Variants in ROBO2 observed in about 807,000 individuals in gnomAD.
The protein encoded by ROBO2 is roundabout homolog 2.
Under a neutral mutation model 160.8 loss-of-function variants are expected in ROBO2, and 53 were observed. The observed-to-expected ratio is 0.33, with a 90% CI of 0.26 to 0.41. ROBO2 has a LOEUF of 0.41. Ranked by LOEUF, ROBO2 falls within the 10% of genes least tolerant of loss-of-function variation. ROBO2 has a pLI of 1.00. For missense variants in ROBO2, 1,577 were observed against 1,722.4 expected (o/e 0.92, Z 1.49); for synonymous variants, 664 against 611.7 (o/e 1.09, Z -1.26).
chr3:76,435,057 A>G, intron 2 of ROBO2: 1 of 1,149,958 alleles, frequency 8.7e-7, no homozygotes, highest in Non-Finnish European at 1.3e-6. Context: ...AATGGCTTAC[A>G]TATACAAGTG....
intron 2 of ROBO2, among the ~76,000 whole-genome samples, chr3:76,146,903 T>TACAC (rs750245915): frequency 1.4e-5 from 2 of 145,788 alleles, no homozygotes; most frequent in South Asian, 4.3e-4. Flanking sequence ...CACACACACA[T>TACAC]ACACACACAC....
In ROBO2 at chr3:76,625,459, G is replaced by T. The variant is rs189420492; in HGVS notation, c.110-472555G>T. 1.2e-3 allele frequency among the ~76,000 whole-genome samples: 175 copies of T among 151,964 alleles called. 1 individual carries two copies. The highest frequency in any genetic ancestry group is 4.0e-3 in the African/African-American group (166 of 41,420). The stretch of plus-strand genomic sequence containing the variant: ...TTGTAAAGCATACATGTACTATGGG[G>T]GCCAAAAAAATAAGCAAATAATCAA... On this transcript the variant is annotated intron_variant, in intron 2 of 26. Transcript: ENST00000487694.
chr3:76,318,160 AAAAGTAGGTATATT>A (rs2072200548), intron 2 of ROBO2, among the ~76,000 whole-genome samples: 1 of 152,132 alleles, frequency 6.6e-6, no homozygotes. Context: ...TTCATATTAG[AAAAGTAGGTATATT>A]AAAGTAGGTA....
At chr3:77,005,281 G>GT (rs1287646100) in intron 2 of ROBO2, among the ~76,000 whole-genome samples, 1 of 152,152 alleles carries the variant, frequency 6.6e-6, no homozygotes, top group East Asian at 1.9e-4. Context: ...TACCTTGGGA[G>GT]TTTTTTACCC....
intron 11 of ROBO2, chr3:77,564,357 G>T (rs1375321631): frequency 4.9e-6 from 2 of 410,418 alleles, no homozygotes; most frequent in African/African-American, 4.2e-5. Flanking sequence ...ACCGTTCTGA[G>T]ATGAGAAATC....
intron 21 of ROBO2, among the ~76,000 whole-genome samples, chr3:77,612,716 A>T (rs2094674336): frequency 6.6e-6 from 1 of 152,094 alleles, no homozygotes; most frequent in Admixed American, 6.6e-5. Context: ...GGAGGCCAAG[A>T]TGGGCAGATC....
chr3:77,408,124 C>A (rs987760683), intron 2 of ROBO2, among the ~76,000 whole-genome samples: 11 of 151,740 alleles, frequency 7.2e-5, no homozygotes, highest in Non-Finnish European at 1.0e-4. Context: ...AACAAAAAAA[C>A]CTTCCATGAA....
intron 2 of ROBO2, among the ~76,000 whole-genome samples, chr3:77,334,821 G>C (rs1025585176): frequency 6.6e-6 from 1 of 152,096 alleles, no homozygotes; most frequent in South Asian, 2.1e-4. Context: ...AGATTTACTT[G>C]TGGACCTGAA....
intron 2 of ROBO2, among the ~76,000 whole-genome samples, chr3:76,315,494 A>G (rs973816012): frequency 2.6e-5 from 4 of 152,182 alleles, no homozygotes; most frequent in African/African-American, 9.7e-5. Context: ...GCGCTGACCT[A>G]GGAATATTTA....
chr3:77,599,780 G>A (rs1202887859), intron 19 of ROBO2, among the ~76,000 whole-genome samples: 1 of 151,712 alleles, frequency 6.6e-6, no homozygotes, highest in African/African-American at 2.4e-5. Flanking sequence ...TTTATCAAAG[G>A]AAACCATAAA....
rs566165755 is a variant in ROBO2, at chr3:77,638,076, G to C, written c.3934+3033G>C. On this transcript the variant is annotated intron_variant, in intron 24 of 25. Transcript: ENST00000461745. ...CTTAATCCAAAGCCATTTTAATTAT[G>C]ATACAGTGCAAAGACATTTATTTTG... is the stretch of plus-strand genomic sequence containing the variant. Among the ~76,000 whole-genome samples, 11 of 152,266 alleles carry C rather than the reference G, an allele frequency of 7.2e-5. 1 individual carries two copies. The South Asian group carries it at 2.3e-3, about 32-fold the overall frequency.
chr3:76,387,206 C>T (rs541832418), intron 2 of ROBO2, among the ~76,000 whole-genome samples: 15 of 152,148 alleles, frequency 9.9e-5, no homozygotes, highest in African/African-American at 1.9e-4. Flanking sequence ...TCCATGGGGG[C>T]GGAGGCTCTT....
At chr3:77,037,680 A>G (rs2063721263), upstream of ROBO2, among the ~76,000 whole-genome samples, 2 of 152,116 alleles carry the variant, frequency 1.3e-5, 1 homozygote, top group Admixed American at 1.3e-4. Context: ...TCTGCCTCTG[A>G]GTGATTTTAT....
chr3:77,527,513 C>T (rs1372135707), intron 6 of ROBO2, 99 bp downstream of exon 7: 1 of 944,126 alleles, frequency 1.1e-6, no homozygotes, highest in Non-Finnish European at 1.4e-6. Flanking sequence ...TTTATTTTAC[C>T]CATGTTAAAA....
At chr3:76,335,544 T>G (rs769975348) in intron 2 of ROBO2, among the ~76,000 whole-genome samples, 1 of 151,780 alleles carries the variant, frequency 6.6e-6, no homozygotes, top group African/African-American at 2.4e-5. Flanking sequence ...TTCATTTTAA[T>G]TATAAAAAAT....
At chr3:76,047,229 C>A (rs2107795263) in intron 2 of ROBO2, among the ~76,000 whole-genome samples, 1 of 152,308 alleles carries the variant, frequency 6.6e-6, no homozygotes, top group Non-Finnish European at 1.5e-5. Flanking sequence ...TCCTATTTCT[C>A]AGTGTACAAA....
chr3:76,753,756 CCT>C lies in ROBO2; in HGVS notation c.110-344257_110-344256del, dbSNP rs200403525. Among the ~76,000 whole-genome samples the C allele has an allele frequency of 6.5e-3, 993 of 151,818 alleles. 6 individuals are homozygous for C. The highest frequency in any genetic ancestry group is 0.024 in the Middle Eastern group (7 of 294). ...TTTAACTTTTTTCATTAAAATTTCC[CCT>C]GTCTCAATTATATGACTGTAACCAG... is the stretch of plus-strand genomic sequence containing the variant. On this transcript the variant is annotated intron_variant, in intron 2 of 26. Transcript: ENST00000487694.
At chr3:77,017,400 A>C (rs1200599841) in intron 2 of ROBO2, among the ~76,000 whole-genome samples, 1 of 152,210 alleles carries the variant, frequency 6.6e-6, no homozygotes, top group African/African-American at 2.4e-5. Flanking sequence ...ACCCCATCAG[A>C]GATAGCTCAA....
chr3:76,683,062 G>A (rs544031417), intron 2 of ROBO2, among the ~76,000 whole-genome samples: 1 of 152,178 alleles, frequency 6.6e-6, no homozygotes, highest in Admixed American at 6.6e-5. Flanking sequence ...TACATCGTCA[G>A]ATAAATGATC....
Sources: gnomAD v4.1 joint callset for allele counts (sites outside exome capture counted in the v4.1 genomes callset) on GRCh38, gnomAD v4.1.1 for gene constraint, MANE v1.5 for transcripts, NCBI Gene and HGNC (gene_info 2026-07-23, HGNC 2026-07-21) for gene names.